GJC2: variants seen among roughly 807,000 people sequenced by gnomAD.
GJC2 encodes the protein gap junction protein gamma 2.
For missense variants in GJC2, 647 were observed against 648.9 expected, an observed-to-expected ratio of 1.00 and a Z score of 0.03; for synonymous variants, 336 against 307.5, an observed-to-expected ratio of 1.09 and a Z score of -0.97.
At position 228,152,165 on chromosome 1, in the gene GJC2, C is replaced by T. The variant is rs943794956; in HGVS notation, c.-20+2158C>T. ...GAGTGGACAAGCGACAGCACAGTGC[C>T]TGCCATGCGCTGGGGTACCATCATT... is the stretch of plus-strand genomic sequence containing the variant. On this transcript the variant is annotated intron_variant, in intron 1 of 1. Coordinates refer to ENST00000366714, the MANE Select transcript of GJC2 (RefSeq NM_020435.4). This position sits in a 1 kb window ranked among gnomAD's most constrained non-coding sequence, Gnocchi z 7.3. Among the ~76,000 whole-genome samples the T allele has an allele frequency of 1.3e-5, 2 of 151,940 alleles. No homozygotes were observed. The highest frequency in any genetic ancestry group is 2.9e-5 in the Non-Finnish European group (2 of 67,982).
chr1:228,157,843 A>C lies in GJC2; in HGVS notation c.85A>C (p.Thr29Pro). ...HSTFVGKVWL[T>P]VLVVFRIVLT... ...CACCTTCGTGGGCAAGGTGTGGCTC[A>C]CGGTGCTGGTGGTCTTCCGCATCGT... The change falls in exon 2 of 2, where the codon ACG becomes CCG. Residue 29 changes from threonine to proline, a missense_variant. By Grantham distance (38) the Thr-to-Pro change is conservative (BLOSUM62 -1). Transcript: ENST00000366714. The C allele has an allele frequency of 6.2e-7, 1 of 1,602,600 alleles. No homozygotes were observed. Among genetic ancestry groups the C allele is most frequent in the Non-Finnish European group, 8.5e-7 (1 of 1,175,032 alleles).
intron 1 of GJC2, among the ~76,000 whole-genome samples, chr1:228,155,273 C>T (rs755530726): frequency 6.6e-5 from 10 of 152,120 alleles, no homozygotes; most frequent in East Asian, 3.9e-4. Flanking sequence ...GCAGAGCACA[C>T]GAGGGGATAT....
Position 228,159,092 on chromosome 1 carries a change from C to A in GJC2, c.*14C>A, listed in dbSNP as rs749026134. The A allele has an allele frequency of 6.2e-7, 1 of 1,609,708 alleles. No individual in the cohort carries two copies. Among genetic ancestry groups the A allele is most frequent in the South Asian group, 1.1e-5 (1 of 90,928 alleles). On this transcript the variant is annotated 3_prime_UTR_variant, in exon 2 of 2. Coordinates refer to ENST00000366714, the MANE Select transcript of GJC2 (RefSeq NM_020435.4). The surrounding 1 kb of genome is among the most constrained non-coding windows in gnomAD (Gnocchi z 4.0). ...GTGTGGATCTGAGGGCGCTGGCTTG[C>A]GAGCTGGGCCAGGGAGGAGGAGGGT...
chr1:228,152,836 G>C lies in GJC2; in HGVS notation c.-20+2829G>C, dbSNP rs939903695. 6.6e-6 allele frequency among the ~76,000 whole-genome samples: 1 copy of C among 151,980 alleles called. No homozygotes were observed. Among genetic ancestry groups the C allele is most frequent in the African/African-American group, 2.4e-5 (1 of 41,358 alleles). On this transcript the variant is annotated intron_variant, in intron 1 of 1. Coordinates refer to ENST00000366714, the MANE Select transcript of GJC2 (RefSeq NM_020435.4). The surrounding 1 kb of genome is among the most constrained non-coding windows in gnomAD (Gnocchi z 7.3). ...CCTGCCTCACCACTCCCAGACCTGGGCCAGGCAGCGTCCTGGCTGGTGGCC... is the reference window on the plus strand; with the variant it reads ...CCTGCCTCACCACTCCCAGACCTGGCCCAGGCAGCGTCCTGGCTGGTGGCC...
rs1372313281 is a variant in GJC2, at chr1:228,158,694, G to C, written c.936G>C (p.Ala312=). The C allele has an allele frequency of 9.4e-7, 1 of 1,068,410 alleles. No homozygotes were observed. The highest frequency in any genetic ancestry group is 1.1e-6 in the Non-Finnish European group (1 of 882,934). The allele number at this position is 1,068,410 out of a possible 1,614,324, so 66.2% of individuals were successfully genotyped here. Residue 312 remains alanine, a synonymous_variant, in exon 2 of 2, where the codon GCG becomes GCC. Coordinates refer to ENST00000366714, the MANE Select transcript of GJC2 (RefSeq NM_020435.4). This position sits in a 1 kb window ranked among gnomAD's most constrained non-coding sequence, Gnocchi z 8.3. ...RGPPASAPAP[A]PRPPPCAFPA... is the part of the protein sequence containing the mutation. The stretch of plus-strand genomic sequence containing the variant: ...CCCCGGCCTCCGCCCCCGCCCCCGC[G>C]CCGCGGCCCCCGCCCTGCGCCTTCC...
rs2124966664 is a variant in GJC2, at chr1:228,158,518, G to A, written c.760G>A (p.Val254Met). 6.2e-7 allele frequency: 1 copy of A among 1,612,936 alleles called. No individual in the cohort carries two copies. The highest frequency in any genetic ancestry group is 8.5e-7 in the Non-Finnish European group (1 of 1,179,674). ...CAGCCGCCAGCCCTGCCCGCACGTGGTGGACTGCTTCGTGTCGCGCCCTAC... is the reference window on the plus strand; with the variant it reads ...CAGCCGCCAGCCCTGCCCGCACGTGATGGACTGCTTCGTGTCGCGCCCTAC... ...PCSRQPCPHV[V>M]DCFVSRPTEK... Residue 254 changes from valine to methionine, a missense_variant, in exon 2 of 2, where the codon GTG becomes ATG. Transcript: ENST00000366714. This position sits in a 1 kb window ranked among gnomAD's most constrained non-coding sequence, Gnocchi z 8.3.
In GJC2 at chr1:228,159,255, T is replaced by C; in HGVS notation, c.*177T>C. On this transcript the variant is annotated 3_prime_UTR_variant, in exon 2 of 2. Coordinates refer to ENST00000366714, the MANE Select transcript of GJC2 (RefSeq NM_020435.4). This position sits in a 1 kb window ranked among gnomAD's most constrained non-coding sequence, Gnocchi z 4.0. ...AAAGCGGCAGAGGAGTGCCCTGGCTTGGTCACCACTGGGGCCAAGGTGGGG... is the reference window on the plus strand; with the variant it reads ...AAAGCGGCAGAGGAGTGCCCTGGCTCGGTCACCACTGGGGCCAAGGTGGGG... 1.4e-6 allele frequency: 1 copy of C among 717,676 alleles called. No individual in the cohort carries two copies. Among genetic ancestry groups the C allele is most frequent in the Admixed American group, 2.9e-5 (1 of 34,828 alleles). 44.5% of individuals were successfully genotyped at this position (717,676 alleles called of 1,614,324 possible). A position where few individuals can be genotyped will look rare whatever the true frequency, so the allele number is the denominator to read the frequency against.
rs944216643 is a variant in GJC2 at position 228,158,739 on chromosome 1, G to A, written c.981G>A (p.Leu327=). The change falls in exon 2 of 2, where the codon TTG becomes TTA. Residue 327 remains leucine (L), a synonymous_variant. Transcript: ENST00000366714. The surrounding 1 kb of genome is among the most constrained non-coding windows in gnomAD (Gnocchi z 8.3). ...CCTTCCCTGCGGCGGCCGCTGGCTTGGCCTGCCCGCCCGACTACAGCCTGG... is the reference window on the plus strand; with the variant it reads ...CCTTCCCTGCGGCGGCCGCTGGCTTAGCCTGCCCGCCCGACTACAGCCTGG... ...PCAFPAAAAG[L]ACPPDYSLVV... 7.3e-7 allele frequency: 1 copy of A among 1,365,806 alleles called. No homozygotes were observed. The highest frequency in any genetic ancestry group is 9.5e-7 in the Non-Finnish European group (1 of 1,056,634). The allele number at this position is 1,365,806 out of a possible 1,614,324, so 84.6% of individuals were successfully genotyped here.
In GJC2 at chr1:228,150,735, A is replaced by G. The variant is rs1472963649; in HGVS notation, c.-20+728A>G. ...CTGCTGCGCAGGGAGGCCACAGCCC[A>G]GGCGCGGGGGCCCCCATCCCAGAGC... On this transcript the variant is annotated intron_variant, in intron 1 of 1. Transcript: ENST00000366714. The surrounding 1 kb of genome is among the most constrained non-coding windows in gnomAD (Gnocchi z 4.6). 6.6e-6 allele frequency among the ~76,000 whole-genome samples: 1 copy of G among 152,088 alleles called. No individual in the cohort carries two copies. Among genetic ancestry groups the G allele is most frequent in the Non-Finnish European group, 1.5e-5 (1 of 67,980 alleles).
rs2034630527 is a variant in GJC2 at position 228,152,570 on chromosome 1, C to T, written c.-20+2563C>T. Among the ~76,000 whole-genome samples the T allele has an allele frequency of 1.3e-5, 2 of 152,090 alleles. No individual in the cohort carries two copies. The highest frequency in any genetic ancestry group is 4.8e-5 in the African/African-American group (2 of 41,426). The stretch of plus-strand genomic sequence containing the variant: ...TGAAACCCTTCCCAGAGGTGGCCCC[C>T]ACTGTGAGCCCCCATGGTGAGTCCC... On this transcript the variant is annotated intron_variant, in intron 1 of 1. Transcript: ENST00000366714. This position sits in a 1 kb window ranked among gnomAD's most constrained non-coding sequence, Gnocchi z 7.3.
intron 1 of GJC2, 52 bp from the exon 2 acceptor site, chr1:228,157,688 G>A (rs975558598): frequency 4.6e-6 from 5 of 1,082,132 alleles, no homozygotes; most frequent in Non-Finnish European, 6.6e-6. Flanking sequence ...GGCTCTGAGC[G>A]CCGCGGGCTC....
rs912200622 is a variant in GJC2, at chr1:228,158,983, C to G, written c.1225C>G (p.Pro409Ala). The change falls in exon 2 of 2, where the codon CCC (proline) becomes GCC (alanine). Residue 409 changes from proline to alanine, a missense_variant. Physicochemically the swap from Pro to Ala is conservative, Grantham distance 27 (BLOSUM62 -1). Coordinates refer to ENST00000366714, the MANE Select transcript of GJC2 (RefSeq NM_020435.4). The surrounding 1 kb of genome is among the most constrained non-coding windows in gnomAD (Gnocchi z 8.3). ...SAGTVGEQGR[P>A]GTHERPGAKP... ...GGGCACTGTCGGGGAGCAGGGCCGG[C>G]CCGGCACCCACGAGCGGCCAGGAGC... 2.5e-6 allele frequency: 4 copies of G among 1,601,342 alleles called. No individual in the cohort carries two copies. Among genetic ancestry groups the G allele is most frequent in the Non-Finnish European group, 3.4e-6 (4 of 1,175,758 alleles).
chr1:228,157,683 T>C, intron 1 of GJC2, 57 bp from the exon 2 acceptor site: 5 of 1,035,302 alleles, frequency 4.8e-6, no homozygotes, highest in Non-Finnish European at 7.0e-6. Context: ...GCCCCGGCTC[T>C]GAGCGCCGCG....
In GJC2 at chr1:228,157,740, G is replaced by GGGGGGGGGGGGGGGGGGGGGGGGC; in HGVS notation, c.-19_-18insGGGGGGGGGGGGGGGGGGGGGGGC. 9.1e-6 allele frequency: 6 copies of GGGGGGGGGGGGGGGGGGGGGGGGC among 662,262 alleles called. No individual in the cohort carries two copies. Among genetic ancestry groups the GGGGGGGGGGGGGGGGGGGGGGGGC allele is most frequent in the East Asian group, 2.9e-5 (1 of 34,396 alleles). The allele number at this position is 662,262 out of a possible 1,614,324, so 41.0% of individuals were successfully genotyped here. On this transcript the variant is annotated splice_region_variant and 5_prime_UTR_variant, in exon 2 of 2. Coordinates refer to ENST00000366714, the MANE Select transcript of GJC2 (RefSeq NM_020435.4). Reference sequence around the variant, plus strand: ...GGCTGACCCCTACCCCGCCCCACAGGACCCGCCCGCCCGCCCCTATGACCA... The same window carrying GGGGGGGGGGGGGGGGGGGGGGGGC: ...GGCTGACCCCTACCCCGCCCCACAGGGGGGGGGGGGGGGGGGGGGGGGGCACCCGCCCGCCCGCCCCTATGACCA...
At position 228,158,660 on chromosome 1, in the gene GJC2, G is replaced by C. The variant is rs780182493; in HGVS notation, c.902G>C (p.Arg301Pro). 8.7e-6 allele frequency: 13 copies of C among 1,501,654 alleles called. No homozygotes were observed. The highest frequency in any genetic ancestry group is 1.1e-5 in the Non-Finnish European group (12 of 1,120,772). 93.0% of individuals were successfully genotyped at this position (1,501,654 alleles called of 1,614,324 possible). The change falls in exon 2 of 2, where the codon CGC becomes CCC. Residue 301 changes from arginine to proline, a missense_variant. Transcript: ENST00000366714. The surrounding 1 kb of genome is among the most constrained non-coding windows in gnomAD (Gnocchi z 8.3). Reference sequence around the variant, plus strand: ...AGCGCGCAGGACGCGGTGCGCGGCCGCCGCGGCCCCCCGGCCTCCGCCCCC... The same window carrying C: ...AGCGCGCAGGACGCGGTGCGCGGCCCCCGCGGCCCCCCGGCCTCCGCCCCC... ...LGSAQDAVRG[R>P]RGPPASAPAP...
Position 228,158,733 on chromosome 1 carries a change from T to TGGCTTGGCCTGCCCGCC in GJC2, c.976_992dup (p.Asp332AlafsTer145). On this transcript the variant is annotated frameshift_variant, in exon 2 of 2. Transcript: ENST00000366714. LOFTEE classifies it low-confidence loss of function (END_TRUNC). This position sits in a 1 kb window ranked among gnomAD's most constrained non-coding sequence, Gnocchi z 8.3. ...CCTGCGCCTTCCCTGCGGCGGCCGC[T>TGGCTTGGCCTGCCCGCC]GGCTTGGCCTGCCCGCCCGACTACA... is the stretch of plus-strand genomic sequence containing the variant. 7.4e-7 allele frequency: 1 copy of TGGCTTGGCCTGCCCGCC among 1,346,688 alleles called. No individual in the cohort carries two copies. The highest frequency in any genetic ancestry group is 9.6e-7 in the Non-Finnish European group (1 of 1,045,652). The allele number at this position is 1,346,688 out of a possible 1,614,324, so 83.4% of individuals were successfully genotyped here. A position where few individuals can be genotyped will look rare whatever the true frequency, so the allele number is the denominator to read the frequency against.
Position 228,157,736 on chromosome 1 carries a change from A to ACCGGGGGGGGGGGGGGGGGGGGGGGGGG in GJC2, c.-19-3_-19-2insCGGGGGGGGGGGGGGGGGGGGGGGGGGC. On this transcript the variant is annotated splice_region_variant and splice_polypyrimidine_tract_variant and intron_variant, in intron 1 of 1. Transcript: ENST00000366714. ...CCCTGGCTGACCCCTACCCCGCCCC[A>ACCGGGGGGGGGGGGGGGGGGGGGGGGGG]CAGGACCCGCCCGCCCGCCCCTATG... is the stretch of plus-strand genomic sequence containing the variant. 1 of 677,008 alleles carries ACCGGGGGGGGGGGGGGGGGGGGGGGGGG rather than the reference A, an allele frequency of 1.5e-6. No individual in the cohort carries two copies. 41.9% of individuals were successfully genotyped at this position (677,008 alleles called of 1,614,324 possible).
intron 1 of GJC2, among the ~76,000 whole-genome samples, chr1:228,157,417 A>T (rs1268966948): frequency 6.6e-6 from 1 of 152,108 alleles, no homozygotes; most frequent in Non-Finnish European, 1.5e-5. Flanking sequence ...ACCCTCCCCA[A>T]CAACCTGGAT....
In GJC2 at chr1:228,158,440, C is replaced by A; in HGVS notation, c.682C>A (p.Leu228Met). The A allele has an allele frequency of 1.2e-6, 2 of 1,609,642 alleles. No individual in the cohort carries two copies. Among genetic ancestry groups the A allele is most frequent in the Non-Finnish European group, 1.7e-6 (2 of 1,179,562 alleles). The stretch of plus-strand genomic sequence containing the variant: ...CAGGGCAGCTTTCGAGGTGGCCTTC[C>A]TGGTGGGCCAGTACCTGCTGTACGG... Reference protein sequence around the residue: ...VARAAFEVAFLVGQYLLYGFE... With the variant: ...VARAAFEVAFMVGQYLLYGFE... Residue 228 changes from leucine (L) to methionine (M), a missense_variant, in exon 2 of 2, where the codon CTG becomes ATG. Physicochemically the swap from Leu to Met is conservative, Grantham distance 15. Coordinates refer to ENST00000366714, the MANE Select transcript of GJC2 (RefSeq NM_020435.4). The surrounding 1 kb of genome is among the most constrained non-coding windows in gnomAD (Gnocchi z 8.3).
Sources: allele counts gnomAD v4.1 joint callset (sites outside exome capture counted in the v4.1 genomes callset), GRCh38; gene constraint gnomAD v4.1.1; non-coding constraint Gnocchi (gnomAD v3.1); transcripts MANE v1.5; gene names NCBI Gene and HGNC (gene_info 2026-07-23, HGNC 2026-07-21).